The following SLC2A9 variants were observed in gnomAD, a reference collection of about 807,000 sequenced individuals.
SLC2A9 encodes the protein solute carrier family 2, facilitated glucose transporter member 9.
Under a neutral mutation model 50.6 loss-of-function variants are expected in SLC2A9, and 39 were observed. The observed-to-expected ratio is 0.77, with a 90% CI of 0.60 to 1.01. The LOEUF is 1.01. Among genes scored for constraint, SLC2A9 ranks in the 50% least tolerant of loss-of-function variants. The pLI is 0.00. For missense variants in SLC2A9, 686 were observed against 677.6 expected (o/e 1.01, Z -0.14); for synonymous variants, 324 against 276.9 (o/e 1.17, Z -1.69).
At chr4:9,900,914 G>A (rs779159803) in intron 8 of SLC2A9, among the ~76,000 whole-genome samples, 3 of 152,114 alleles carry the variant, frequency 2.0e-5, no homozygotes, top group Non-Finnish European at 2.9e-5. Context: ...ACCTCCCACC[G>A]GTCCCTCCCA....
rs1266134882 is a variant in SLC2A9, at chr4:9,913,355, GAC to G, written c.1003-5012_1003-5011del. On this transcript the variant is annotated intron_variant, in intron 7 of 11. Transcript: ENST00000264784. ...TGAGAGAGAGAGAGAGAGAGAGAGA[GAC>G]AGAGAGAGAGAGAAACAGATAGAGA... is the stretch of plus-strand genomic sequence containing the variant. Among the ~76,000 whole-genome samples the G allele has an allele frequency of 2.4e-3, 357 of 148,532 alleles. 1 individual carries two copies. Among genetic ancestry groups the G allele is most frequent in the Non-Finnish European group, 3.9e-3 (265 of 67,390 alleles).
At chr4:10,009,163 C>A (rs1206968028) in intron 2 of SLC2A9, among the ~76,000 whole-genome samples, 1 of 152,158 alleles carries the variant, frequency 6.6e-6, no homozygotes. Context: ...GAACTTATGT[C>A]GTTTGACACA....
chr4:9,903,057 C>T (rs1443958992), intron 8 of SLC2A9, among the ~76,000 whole-genome samples: 2 of 152,132 alleles, frequency 1.3e-5, no homozygotes, highest in African/African-American at 2.4e-5. Context: ...AGCTCAAGGT[C>T]ACCCAGCTAG....
At chr4:9,839,283 G>A (rs1339398029) in intron 10 of SLC2A9, among the ~76,000 whole-genome samples, 1 of 152,076 alleles carries the variant, frequency 6.6e-6, no homozygotes, top group Non-Finnish European at 1.5e-5. Context: ...ACCACAATGA[G>A]ATACCATCTC....
intron 5 of SLC2A9, among the ~76,000 whole-genome samples, chr4:9,953,804 TTTGTTTG>T (rs1270848342): frequency 4.6e-5 from 7 of 151,856 alleles, no homozygotes; most frequent in Admixed American, 6.6e-5. Flanking sequence ...TGTTTGTTTG[TTTGTTTG>T]TTTGCTTGTT....
intron 3 of SLC2A9, among the ~76,000 whole-genome samples, chr4:9,993,186 A>T (rs1205989401): frequency 1.3e-5 from 2 of 152,250 alleles, no homozygotes; most frequent in Non-Finnish European, 2.9e-5. Flanking sequence ...AGTCTGGCCC[A>T]GGATCAGATT....
chr4:9,906,810 C>T (rs1421487779), intron 8 of SLC2A9, among the ~76,000 whole-genome samples: 1 of 152,174 alleles, frequency 6.6e-6, no homozygotes, highest in Non-Finnish European at 1.5e-5. Flanking sequence ...ATAAACAAAA[C>T]TGGGTGCAGT....
At chr4:9,941,167 G>A (rs1748052511) in intron 6 of SLC2A9, among the ~76,000 whole-genome samples, 1 of 152,178 alleles carries the variant, frequency 6.6e-6, no homozygotes, top group South Asian at 2.1e-4. Flanking sequence ...AAAAGAATCA[G>A]AATGTGATTG....
intron 10 of SLC2A9, among the ~76,000 whole-genome samples, chr4:9,840,037 T>C (rs959277353): frequency 2.0e-5 from 3 of 152,320 alleles, no homozygotes; most frequent in South Asian, 4.2e-4. Flanking sequence ...TATGATATGA[T>C]AGTTACTGCT....
chr4:9,818,865 G>A (rs2002742), intron 3 of SLC2A9, among the ~76,000 whole-genome samples: 173 of 152,258 alleles, frequency 1.1e-3, no homozygotes, highest in African/African-American at 4.0e-3. Context: ...GCTCATGCCT[G>A]TAATCCCAGC....
intron 7 of SLC2A9, among the ~76,000 whole-genome samples, chr4:9,919,837 C>T (rs1344331881): frequency 6.6e-6 from 1 of 152,190 alleles, no homozygotes; most frequent in Non-Finnish European, 1.5e-5. Flanking sequence ...CTGGGAATTC[C>T]ACCTTTGAGT....
Position 9,838,927 on chromosome 4 carries a change from C to T in SLC2A9, c.1292-3919G>A, listed in dbSNP as rs148627391. ...GGAAGACAACCTAGGCAATACCATT[C>T]GGCAAATAGGCACAGGCAAAGATTT... On this transcript the variant is annotated intron_variant, in intron 10 of 11. Coordinates refer to ENST00000264784, the MANE Select transcript of SLC2A9 (RefSeq NM_020041.3). Among the ~76,000 whole-genome samples, 58 of 152,220 alleles carry T rather than the reference C, an allele frequency of 3.8e-4. 1 individual carries two copies. The East Asian group carries it at 5.2e-3, about 14-fold the overall frequency.
At chr4:9,828,102 C>G (rs1725439205) in intron 11 of SLC2A9, among the ~76,000 whole-genome samples, 1 of 152,222 alleles carries the variant, frequency 6.6e-6, no homozygotes, top group Non-Finnish European at 1.5e-5. Flanking sequence ...CCTTCCTCAT[C>G]TCTGCTGATG....
chr4:9,924,756 A>G (rs1744589254), intron 6 of SLC2A9, among the ~76,000 whole-genome samples: 1 of 152,014 alleles, frequency 6.6e-6, no homozygotes, highest in African/African-American at 2.4e-5. Context: ...GCACCTGACA[A>G]CAATCACAAA....
At chr4:9,938,110 T>C (rs1483774299) in intron 6 of SLC2A9, among the ~76,000 whole-genome samples, 1 of 152,218 alleles carries the variant, frequency 6.6e-6, no homozygotes, top group African/African-American at 2.4e-5. Context: ...GGCATTGGGA[T>C]ATCATTTTCA....
intron 7 of SLC2A9, among the ~76,000 whole-genome samples, chr4:9,916,223 C>T (rs1742822690): frequency 6.6e-6 from 1 of 152,150 alleles, no homozygotes; most frequent in Non-Finnish European, 1.5e-5. Context: ...AACGATTTCC[C>T]AACTAAGTGG....
At chr4:9,996,721 T>A in intron 3 of SLC2A9, 60 bp downstream of exon 3, 1 of 1,591,402 alleles carries the variant, frequency 6.3e-7, no homozygotes, top group Non-Finnish European at 8.6e-7. Context: ...ACCCTGACAA[T>A]GACACAGATA....
chr4:9,942,179 G>GTTCCTTCCCTCAGCCTTT, intron 5 of SLC2A9, 134 bp from the exon 6 acceptor site: 1 of 1,107,052 alleles, frequency 9.0e-7, no homozygotes, highest in Non-Finnish European at 1.3e-6. Flanking sequence ...CAAAGGCTGA[G>GTTCCTTCCCTCAGCCTTT]GGAAGGAACT....
chr4:9,866,210 T>C (rs1732438099), intron 10 of SLC2A9, among the ~76,000 whole-genome samples: 1 of 151,842 alleles, frequency 6.6e-6, no homozygotes, highest in Admixed American at 6.6e-5. Flanking sequence ...ATTACTATTG[T>C]ATTATTATTA....
Sources: allele counts gnomAD v4.1 joint callset (sites outside exome capture counted in the v4.1 genomes callset), GRCh38; gene constraint gnomAD v4.1.1; transcripts MANE v1.5; gene names NCBI Gene and HGNC (gene_info 2026-07-23, HGNC 2026-07-21).